MAPK14: variants seen among roughly 807,000 people sequenced by gnomAD.
MAPK14 encodes CSAID-binding protein.
MAPK14 carries 16 observed loss-of-function variants against 49.6 expected under a neutral mutation model. The ratio of observed to expected loss-of-function variants is 0.32; its 90% CI spans 0.22 to 0.49. The LOEUF is 0.49. Among genes scored for constraint, MAPK14 ranks in the 20% least tolerant of loss-of-function variants. The pLI, the probability that MAPK14 is intolerant of heterozygous loss-of-function variation, is 0.99. For synonymous variants in MAPK14, 142 were observed against 158.0 expected, an observed-to-expected ratio of 0.90 and a Z score of 0.76; for missense variants, 200 against 441.2, an observed-to-expected ratio of 0.45 and a Z score of 4.90.
chr6:36,052,899 C>A, intron 2 of MAPK14, 71 bp downstream of exon 2: 1 of 1,404,412 alleles, frequency 7.1e-7, no homozygotes, highest in Non-Finnish European at 9.8e-7. Flanking sequence ...TTAATTACTG[C>A]AGATGGAAAT....
intron 1 of MAPK14, among the ~76,000 whole-genome samples, chr6:36,042,476 CTTTTT>C (rs113286534): frequency 0.17 from 17,281 of 102,426 alleles, 1,181 homozygotes; most frequent in African/African-American, 0.27. Context: ...GAAGGAATAT[CTTTTT>C]TTTTTTTTTT....
rs534152716 is a variant in MAPK14, at chr6:36,093,415, A to G, written c.683-2572A>G. Among the ~76,000 whole-genome samples the G allele has an allele frequency of 6.6e-5, 10 of 152,264 alleles. No individual in the cohort carries two copies. The South Asian group carries it at 2.1e-3, about 32-fold the overall frequency. On this transcript the variant is annotated intron_variant, in intron 8 of 11. Transcript: ENST00000229794. ...AGCTCAGAGAGCCTGTCTTCCTTAG[A>G]GAGAGTATAAAAATTGACTCTCAGC...
At chr6:36,041,145 T>C (rs375478276) in intron 1 of MAPK14, among the ~76,000 whole-genome samples, 24 of 152,154 alleles carry the variant, frequency 1.6e-4, no homozygotes, top group African/African-American at 5.8e-4. Context: ...TTGCTACTGC[T>C]TTAATTACTT....
At chr6:36,096,977 A>C (rs1765467057) in intron 9 of MAPK14, 2 of 152,246 alleles carry the variant, frequency 1.3e-5, no homozygotes, top group Non-Finnish European at 2.9e-5. Flanking sequence ...GCCAAGCTCC[A>C]GTTATGCCTT....
At chr6:36,117,801 C>A in the MAPK14 span, among the ~76,000 whole-genome samples, 1 of 152,224 alleles carries the variant, frequency 6.6e-6, no homozygotes, top group African/African-American at 2.4e-5. Flanking sequence ...GTCTTGTTCA[C>A]TGTGGTGTCC....
chr6:36,117,610 A>T, the MAPK14 span, among the ~76,000 whole-genome samples: 1 of 152,200 alleles, frequency 6.6e-6, no homozygotes, highest in Non-Finnish European at 1.5e-5. Flanking sequence ...AAAGAAAAAC[A>T]TATAAAGGTT....
chr6:36,090,563 TCGCCCA>T (rs1335730516), intron 8 of MAPK14, among the ~76,000 whole-genome samples: 1 of 151,148 alleles, frequency 6.6e-6, no homozygotes, highest in Non-Finnish European at 1.5e-5. Context: ...TCTCGCTCTG[TCGCCCA>T]GGCTGGAGTG....
At chr6:36,123,736 A>G in the MAPK14 span, among the ~76,000 whole-genome samples, 4 of 152,268 alleles carry the variant, frequency 2.6e-5, no homozygotes, top group Non-Finnish European at 5.9e-5. Context: ...GCAGATTAAT[A>G]TTATGCTGAA....
Position 36,108,548 on chromosome 6 carries a change from T to A in MAPK14, c.*101T>A, listed in dbSNP as rs1765869548. 3.1e-6 allele frequency: 3 copies of A among 976,680 alleles called. No homozygotes were observed. Among genetic ancestry groups the A allele is most frequent in the Non-Finnish European group, 4.9e-6 (3 of 607,424 alleles). 60.5% of individuals were successfully genotyped at this position (976,680 alleles called of 1,614,324 possible). A position where few individuals can be genotyped will look rare whatever the true frequency, so the allele number is the denominator to read the frequency against. On this transcript the variant is annotated 3_prime_UTR_variant, in exon 12 of 12. Coordinates refer to ENST00000229794, the MANE Select transcript of MAPK14 (RefSeq NM_139012.3). ...TTCAAGTGCCTCTTGTTGCAGAGAT[T>A]TCCTCCATGGTGGAAGGGGGTGTGC... is the stretch of plus-strand genomic sequence containing the variant.
In MAPK14 at chr6:36,108,905, C is replaced by A. The variant is rs200350939; in HGVS notation, c.*458C>A. The A allele has an allele frequency of 1.1e-4, 20 of 175,312 alleles. No homozygotes were observed. The highest frequency in any genetic ancestry group is 2.1e-4 in the Non-Finnish European group (17 of 81,452). 10.9% of individuals were successfully genotyped at this position (175,312 alleles called of 1,614,324 possible). ...AGTGGCACGGAGAGAAGGCCCATAC[C>A]TTCTGGTTGCTTCAGACCTGACACC... On this transcript the variant is annotated 3_prime_UTR_variant, in exon 12 of 12. Transcript: ENST00000229794.
intron 1 of MAPK14, among the ~76,000 whole-genome samples, chr6:36,031,032 T>G (rs959687715): frequency 2.0e-5 from 3 of 152,288 alleles, no homozygotes; most frequent in Non-Finnish European, 4.4e-5. Context: ...TTCTTTTCTT[T>G]GAGACGAAGT....
intron 1 of MAPK14, among the ~76,000 whole-genome samples, chr6:36,038,469 T>C (rs1762834505): frequency 6.6e-6 from 1 of 152,072 alleles, no homozygotes; most frequent in Non-Finnish European, 1.5e-5. Flanking sequence ...TTCCTTTAAG[T>C]GAGAGGGGAA....
chr6:36,111,795 T>TGAAGGCAGTGATC (rs1765977494), downstream of MAPK14, among the ~76,000 whole-genome samples: 3 of 152,274 alleles, frequency 2.0e-5, no homozygotes, highest in African/African-American at 7.2e-5. Flanking sequence ...CAGCTGGGAA[T>TGAAGGCAGTGATC]GAAGGCAGTG....
rs1291217564 is a variant in MAPK14 at position 36,027,827 on chromosome 6, C to G, written c.-331C>G. The stretch of plus-strand genomic sequence containing the variant: ...GCGACCACTGGAGCCTTAGCGGGCG[C>G]AGCAGCTGGAACGGGAGTACTGCGA... On this transcript the variant is annotated 5_prime_UTR_variant, in exon 1 of 12. Transcript: ENST00000229794. 7.5e-6 allele frequency: 3 copies of G among 400,844 alleles called. No homozygotes were observed. The highest frequency in any genetic ancestry group is 6.2e-5 in the African/African-American group (3 of 48,636). 24.8% of individuals were successfully genotyped at this position (400,844 alleles called of 1,614,324 possible). A position where few individuals can be genotyped will look rare whatever the true frequency, so the allele number is the denominator to read the frequency against.
rs535457690 is a variant in MAPK14, at chr6:36,076,388, T to C, written c.611-149T>C. 6.1e-6 allele frequency: 4 copies of C among 659,556 alleles called. No individual in the cohort carries two copies. In the African/African-American group the frequency reaches 7.3e-5, roughly 12 times the overall value. The allele number at this position is 659,556 out of a possible 1,614,324, so 40.9% of individuals were successfully genotyped here. A position where few individuals can be genotyped will look rare whatever the true frequency, so the allele number is the denominator to read the frequency against. On this transcript the variant is annotated intron_variant, in intron 7 of 11. Transcript: ENST00000229794. ...GTCAGGTGAAGATCTTAGTAAGCTA[T>C]TTATTTCTGTAAAAATGAGTATGAT...
At chr6:36,103,600 A>T (rs1019434726) in intron 10 of MAPK14, among the ~76,000 whole-genome samples, 1 of 152,150 alleles carries the variant, frequency 6.6e-6, no homozygotes, top group African/African-American at 2.4e-5. Flanking sequence ...AACTTCCAAA[A>T]GTGCTGGGAT....
At chr6:36,073,511 A>T (rs1382012989) in intron 4 of MAPK14, among the ~76,000 whole-genome samples, 180 bp from the exon 5 acceptor site, 1 of 152,234 alleles carries the variant, frequency 6.6e-6, no homozygotes, top group East Asian at 1.9e-4. Flanking sequence ...AGTGGAGTCA[A>T]TGGCTGTGGA....
downstream of MAPK14, among the ~76,000 whole-genome samples, chr6:36,112,014 G>C (rs1765983182): frequency 6.6e-6 from 1 of 152,132 alleles, no homozygotes; most frequent in Non-Finnish European, 1.5e-5. Context: ...AGACCATCCT[G>C]GCTAACACGG....
chr6:36,090,144 T>C (rs535652171), intron 8 of MAPK14, among the ~76,000 whole-genome samples: 2 of 152,258 alleles, frequency 1.3e-5, no homozygotes, highest in African/African-American at 2.4e-5. Context: ...TATATTTTTT[T>C]TTATTTCTTC....
Sources: allele counts gnomAD v4.1 joint callset (sites outside exome capture counted in the v4.1 genomes callset), GRCh38; gene constraint gnomAD v4.1.1; transcripts MANE v1.5; gene names NCBI Gene and HGNC (gene_info 2026-07-23, HGNC 2026-07-21).